APOOL: variants seen among roughly 807,000 people sequenced by gnomAD.
APOOL encodes the protein MICOS complex subunit MIC27.
APOOL carries 12 observed loss-of-function variants against 23.1 expected under a neutral mutation model. The ratio of observed to expected loss-of-function variants is 0.52; its 90% CI spans 0.33 to 0.84. The LOEUF (loss-of-function observed/expected upper bound fraction) is 0.84. APOOL is among the 40% of genes least tolerant of loss of function. APOOL has a pLI of 0.02. For missense variants in APOOL, 212 were observed against 199.6 expected, an observed-to-expected ratio of 1.06 and a Z score of -0.37; for synonymous variants, 77 against 69.9, an observed-to-expected ratio of 1.10 and a Z score of -0.51.
intron 1 of APOOL, among the ~76,000 whole-genome samples, chrX:85,020,917 T>C (rs1921641274): frequency 9.0e-6 from 1 of 111,271 alleles, no homozygotes; most frequent in South Asian, 3.8e-4. Flanking sequence ...CTCTAGACTA[T>C]CCCCAGCCCC....
At chrX:85,012,552 A>T (rs951705969) in intron 1 of APOOL, among the ~76,000 whole-genome samples, 1 of 111,513 alleles carries the variant, frequency 9.0e-6, no homozygotes, top group African/African-American at 3.3e-5. Context: ...TTTTATCATG[A>T]AGGGAGCCAG....
At chrX:85,059,166 C>T (rs1422663337) in intron 5 of APOOL, among the ~76,000 whole-genome samples, 13 of 107,227 alleles carry the variant, frequency 1.2e-4, no homozygotes, top group African/African-American at 3.4e-4. Context: ...CTGAGAATGA[C>T]GGTTTCCAGT....
chrX:85,048,571 A>C (rs1922656113), intron 2 of APOOL, among the ~76,000 whole-genome samples: 1 of 112,191 alleles, frequency 8.9e-6, no homozygotes, highest in African/African-American at 3.2e-5. Flanking sequence ...CAAAGTCAGG[A>C]TCTAGTCCTT....
intron 1 of APOOL, among the ~76,000 whole-genome samples, chrX:85,009,917 G>T (rs2083599465): frequency 9.0e-6 from 1 of 111,661 alleles, no homozygotes; most frequent in Admixed American, 9.5e-5. Flanking sequence ...TTCTGTTCCT[G>T]CGTTTACTTG....
At chrX:85,064,483 G>A (rs1312321955) in intron 5 of APOOL, among the ~76,000 whole-genome samples, 1 of 109,212 alleles carries the variant, frequency 9.2e-6, no homozygotes, top group African/African-American at 3.3e-5. Flanking sequence ...GGATGTCAAT[G>A]TGAGATCTTT....
chrX:85,060,757 G>T (rs999402611), intron 5 of APOOL, among the ~76,000 whole-genome samples: 6 of 111,536 alleles, frequency 5.4e-5, no homozygotes, highest in African/African-American at 9.8e-5. Flanking sequence ...CTGAAGTTGC[G>T]TATCAGCTTT....
intron 1 of APOOL, among the ~76,000 whole-genome samples, chrX:85,043,258 G>A (rs60924476): frequency 4.5e-5 from 5 of 111,110 alleles, no homozygotes; most frequent in Non-Finnish European, 9.4e-5. Context: ...TTAAGTTAAG[G>A]TCTTTCCTCT....
chrX:85,070,942 A>G (rs1240356875), intron 6 of APOOL, among the ~76,000 whole-genome samples: 3 of 112,017 alleles, frequency 2.7e-5, no homozygotes, highest in Non-Finnish European at 5.6e-5. Context: ...ATAAAGGGAT[A>G]AAGATAATTT....
intron 8 of APOOL, 107 bp downstream of exon 8, chrX:85,074,498 G>A (rs1602791901): frequency 3.2e-6 from 3 of 931,019 alleles, no homozygotes; most frequent in Non-Finnish European, 4.4e-6. Context: ...TAAATATTTT[G>A]TCTTTCTCAT....
intron 6 of APOOL, among the ~76,000 whole-genome samples, chrX:85,070,819 CA>C (rs58312082): frequency 0.023 from 1,985 of 86,451 alleles, 17 homozygotes; most frequent in Middle Eastern, 0.043. Context: ...CGTATATGTC[CA>C]AAAAAAAAAA....
chrX:85,043,928 T>A (rs1922485434), intron 1 of APOOL, among the ~76,000 whole-genome samples: 1 of 111,451 alleles, frequency 9.0e-6, no homozygotes, highest in Admixed American at 9.6e-5. Context: ...TTAATATAAC[T>A]CCTTATTTAA....
intron 5 of APOOL, among the ~76,000 whole-genome samples, chrX:85,065,871 A>G (rs750588943): frequency 1.1e-4 from 12 of 111,139 alleles, no homozygotes; most frequent in Non-Finnish European, 2.3e-4. Flanking sequence ...GTAAAGGAGC[A>G]ACTTAGGACA....
intron 1 of APOOL, among the ~76,000 whole-genome samples, chrX:85,040,393 C>T (rs2063724906): frequency 9.0e-6 from 1 of 111,627 alleles, no homozygotes; most frequent in African/African-American, 3.3e-5. Context: ...ATCTTATATA[C>T]TGTCTCACAT....
At chrX:85,031,252 G>T (rs1843608832) in intron 1 of APOOL, among the ~76,000 whole-genome samples, 1 of 111,373 alleles carries the variant, frequency 9.0e-6, no homozygotes, top group African/African-American at 3.3e-5. Flanking sequence ...CAAATGCTTG[G>T]TATATAGGCA....
In APOOL at chrX:85,016,691, C is replaced by T. The variant is rs182139836; in HGVS notation, c.15+12764C>T. 6.1e-3 allele frequency among the ~76,000 whole-genome samples: 678 copies of T among 111,546 alleles called. 2 individuals are homozygous for T. Among genetic ancestry groups the T allele is most frequent in the Non-Finnish European group, 0.011 (589 of 53,056 alleles). On this transcript the variant is annotated intron_variant, in intron 1 of 8. Coordinates refer to ENST00000373173, the MANE Select transcript of APOOL (RefSeq NM_198450.6). ...GGGTACAAGGTCCCCTTCTCCAAGACGTTTTATGATCACAGAGGCTGCCTG... is the reference window on the plus strand; with the variant it reads ...GGGTACAAGGTCCCCTTCTCCAAGATGTTTTATGATCACAGAGGCTGCCTG...
intron 8 of APOOL, among the ~76,000 whole-genome samples, chrX:85,079,858 A>T (rs1282750001): frequency 9.0e-6 from 1 of 110,940 alleles, no homozygotes; most frequent in African/African-American, 3.3e-5. Context: ...TTTCTTCTAG[A>T]TTTTCTAGTT....
Position 85,092,379 on chromosome X carries a change from A to C in APOOL, c.*4701A>C, listed in dbSNP as rs1250498108. The C allele has an allele frequency of 8.6e-7, 1 of 1,160,080 alleles. No individual in the cohort carries two copies. The highest frequency in any genetic ancestry group is 3.3e-5 in the East Asian group (1 of 30,744). ...GGAGGCTGTGTTGGGATGAGTTGTT[A>C]CAAAGCCTCTTTCATTCTTCCCATG... On this transcript the variant is annotated 3_prime_UTR_variant, in exon 9 of 9. Transcript: ENST00000373173.
At chrX:85,079,952 T>C (rs1924023354) in intron 8 of APOOL, among the ~76,000 whole-genome samples, 2 of 112,011 alleles carry the variant, frequency 1.8e-5, no homozygotes, top group Admixed American at 1.9e-4. Context: ...TTTATCATTT[T>C]TTATTGCATC....
Position 85,092,768 on chromosome X carries a change from A to G in APOOL, c.*5090A>G, listed in dbSNP as rs1030418698. 2.9e-5 allele frequency: 11 copies of G among 378,128 alleles called. No individual in the cohort carries two copies. In the Admixed American group the frequency reaches 5.3e-4, roughly 18 times the overall value. 31.2% of individuals were successfully genotyped at this position (378,128 alleles called of 1,213,427 possible). Reference sequence around the variant, plus strand: ...GCTTTAAAGCCCTCTTTAAAATCTCAAAACTGATTTGCAAAGCCTTTATCA... The same window carrying G: ...GCTTTAAAGCCCTCTTTAAAATCTCGAAACTGATTTGCAAAGCCTTTATCA... On this transcript the variant is annotated 3_prime_UTR_variant, in exon 9 of 9. Transcript: ENST00000373173.
Sources: allele counts gnomAD v4.1 joint callset (sites outside exome capture counted in the v4.1 genomes callset), GRCh38; gene constraint gnomAD v4.1.1; transcripts MANE v1.5; gene names NCBI Gene and HGNC (gene_info 2026-07-23, HGNC 2026-07-21).